Variants in CNTNAP5 observed in about 807,000 individuals in gnomAD.
CNTNAP5 encodes the protein contactin associated protein family member 5.
In CNTNAP5, 72 loss-of-function variants were observed where a neutral mutation model predicts 150.2. That is an observed-to-expected ratio of 0.48 (90% CI 0.40 to 0.58). The LOEUF (loss-of-function observed/expected upper bound fraction) is 0.58, where lower values mean the gene tolerates loss of function less well. Ranked by LOEUF, CNTNAP5 falls within the 20% of genes least tolerant of loss-of-function variation. The pLI, the probability that CNTNAP5 is intolerant of heterozygous loss-of-function variation, is 0.00. For synonymous variants in CNTNAP5, 672 were observed against 619.8 expected, an observed-to-expected ratio of 1.08 and a Z score of -1.25; for missense variants, 1,636 against 1,626.2, an observed-to-expected ratio of 1.01 and a Z score of -0.10.
intron 8 of CNTNAP5, among the ~76,000 whole-genome samples, chr2:124,505,140 G>A (rs2104864403): frequency 6.6e-6 from 1 of 152,274 alleles, no homozygotes; most frequent in Middle Eastern, 3.4e-3. Flanking sequence ...ATTCTTACCT[G>A]GGAGTATTTA....
intron 3 of CNTNAP5, among the ~76,000 whole-genome samples, chr2:124,262,746 C>T (rs1687490632): frequency 1.3e-5 from 2 of 151,902 alleles, no homozygotes; most frequent in South Asian, 2.1e-4. Context: ...GTGTGCTGCA[C>T]CGATTAACTT....
At chr2:124,079,319 C>T (rs17212552) in intron 1 of CNTNAP5, among the ~76,000 whole-genome samples, 13,196 of 152,216 alleles carry the variant, frequency 0.087, 760 homozygotes, top group Non-Finnish European at 0.11. Context: ...CATCACACCA[C>T]GCCTCCTCCA....
intron 21 of CNTNAP5, among the ~76,000 whole-genome samples, chr2:124,878,460 T>A (rs1324238403): frequency 6.6e-6 from 1 of 152,058 alleles, no homozygotes. Flanking sequence ...AACACCAGTA[T>A]AATAATAATA....
chr2:124,692,764 G>T (rs898479135), intron 13 of CNTNAP5, among the ~76,000 whole-genome samples: 2 of 152,144 alleles, frequency 1.3e-5, no homozygotes, highest in Admixed American at 6.6e-5. Context: ...ATATGCAGAT[G>T]ATGGGATTAG....
chr2:124,471,871 C>G (rs1693524909), intron 6 of CNTNAP5, among the ~76,000 whole-genome samples: 1 of 151,750 alleles, frequency 6.6e-6, no homozygotes, highest in South Asian at 2.1e-4. Context: ...TGTATTTGGA[C>G]CTTTTCTTAA....
chr2:124,598,848 G>A (rs1052465587), intron 11 of CNTNAP5, among the ~76,000 whole-genome samples: 2 of 152,160 alleles, frequency 1.3e-5, no homozygotes, highest in African/African-American at 4.8e-5. Flanking sequence ...GTCTTGTGGT[G>A]CGCCGTTTTT....
At chr2:124,365,370 G>A (rs559832764) in intron 3 of CNTNAP5, among the ~76,000 whole-genome samples, 15 of 151,788 alleles carry the variant, frequency 9.9e-5, no homozygotes, top group South Asian at 6.3e-4. Context: ...GAATACTTGC[G>A]GGAATCTTTG....
At chr2:124,456,126 G>C (rs1693113233) in intron 6 of CNTNAP5, among the ~76,000 whole-genome samples, 1 of 152,130 alleles carries the variant, frequency 6.6e-6, no homozygotes, top group African/African-American at 2.4e-5. Flanking sequence ...AGTCAAACTT[G>C]TAGCTGTTTG....
At chr2:124,053,594 A>G (rs1681767133) in intron 1 of CNTNAP5, among the ~76,000 whole-genome samples, 1 of 152,204 alleles carries the variant, frequency 6.6e-6, no homozygotes. Flanking sequence ...TCAGCTGAGA[A>G]AACCATGGCA....
chr2:124,053,291 A>T (rs750118412), intron 1 of CNTNAP5, among the ~76,000 whole-genome samples: 2 of 152,198 alleles, frequency 1.3e-5, no homozygotes, highest in Non-Finnish European at 2.9e-5. Flanking sequence ...AAAGTGAGAA[A>T]TTCATAAACA....
At chr2:124,861,102 G>A (rs1275463790) in intron 19 of CNTNAP5, among the ~76,000 whole-genome samples, 1 of 151,670 alleles carries the variant, frequency 6.6e-6, no homozygotes, top group Non-Finnish European at 1.5e-5. Context: ...TGGAATACCT[G>A]TGCTAAGCCA....
chr2:124,806,780 G>A (rs920555871), intron 19 of CNTNAP5, among the ~76,000 whole-genome samples: 1 of 152,192 alleles, frequency 6.6e-6, no homozygotes, highest in Admixed American at 6.5e-5. Flanking sequence ...TCACAGCCGT[G>A]TGGTGGGGCA....
intron 13 of CNTNAP5, among the ~76,000 whole-genome samples, chr2:124,744,382 A>T (rs1392501499): frequency 2.0e-5 from 3 of 152,162 alleles, no homozygotes; most frequent in Admixed American, 6.6e-5. Context: ...TTTTCTTTAT[A>T]AATTACCCAG....
At chr2:124,376,089 T>C (rs1330018462) in intron 3 of CNTNAP5, among the ~76,000 whole-genome samples, 1 of 152,044 alleles carries the variant, frequency 6.6e-6, no homozygotes, top group African/African-American at 2.4e-5. Flanking sequence ...AAGCACCTAG[T>C]ACCCAAGTTA....
At chr2:124,402,912 A>G (rs1474544571) in intron 3 of CNTNAP5, among the ~76,000 whole-genome samples, 2 of 152,168 alleles carry the variant, frequency 1.3e-5, no homozygotes, top group South Asian at 2.1e-4. Flanking sequence ...TTTCTTTTCT[A>G]TAAACGCCTG....
intron 19 of CNTNAP5, among the ~76,000 whole-genome samples, chr2:124,839,050 C>T (rs981393173): frequency 6.6e-6 from 1 of 151,952 alleles, no homozygotes; most frequent in African/African-American, 2.4e-5. Context: ...TAGGGTACTA[C>T]GGAAGCTCAT....
intron 14 of CNTNAP5, among the ~76,000 whole-genome samples, chr2:124,747,613 T>G (rs1456153023): frequency 1.8e-5 from 2 of 112,546 alleles, no homozygotes; most frequent in African/African-American, 6.6e-5. Flanking sequence ...TGCTGCTTCT[T>G]CTTTTTTTTT....
At chr2:124,841,841 A>G (rs1682950971) in intron 19 of CNTNAP5, among the ~76,000 whole-genome samples, 1 of 152,150 alleles carries the variant, frequency 6.6e-6, no homozygotes. Flanking sequence ...CTTGTTAGAC[A>G]GAAGTGTCAC....
intron 3 of CNTNAP5, among the ~76,000 whole-genome samples, chr2:124,354,251 A>C (rs901695152): frequency 2.0e-5 from 3 of 152,330 alleles, no homozygotes; most frequent in Admixed American, 2.0e-4. Flanking sequence ...GTTTTTAAAA[A>C]GGTGAATTAA....
Sources: gnomAD v4.1 joint callset for allele counts (sites outside exome capture counted in the v4.1 genomes callset) on GRCh38, gnomAD v4.1.1 for gene constraint, MANE v1.5 for transcripts, NCBI Gene and HGNC (gene_info 2026-07-23, HGNC 2026-07-21) for gene names.